The following ACSS3 variants were observed in gnomAD, a reference collection of about 807,000 sequenced individuals.
ACSS3 encodes acyl-CoA synthetase short chain family member 3.
Under a neutral mutation model 84.2 loss-of-function variants are expected in ACSS3, and 64 were observed. That is an observed-to-expected ratio of 0.76 (90% CI 0.62 to 0.94). The LOEUF (loss-of-function observed/expected upper bound fraction) is 0.94. Among genes scored for constraint, ACSS3 ranks in the 40% least tolerant of loss-of-function variants. The pLI, the probability that ACSS3 is intolerant of heterozygous loss-of-function variation, is 0.00. For missense variants in ACSS3, 815 were observed against 867.6 expected, an observed-to-expected ratio of 0.94 and a Z score of 0.76; for synonymous variants, 317 against 310.1, an observed-to-expected ratio of 1.02 and a Z score of -0.23.
chr12:81,194,741 T>A (rs1406703335), intron 8 of ACSS3, among the ~76,000 whole-genome samples: 1 of 151,984 alleles, frequency 6.6e-6, no homozygotes, highest in Non-Finnish European at 1.5e-5. Context: ...TACTAAGTTT[T>A]AAAATATATA....
At chr12:81,130,834 C>T (rs1198130360) in intron 2 of ACSS3, among the ~76,000 whole-genome samples, 2 of 152,182 alleles carry the variant, frequency 1.3e-5, no homozygotes, top group Non-Finnish European at 2.9e-5. Flanking sequence ...GCAGTTTCAG[C>T]TTTCTACATA....
chr12:81,124,148 CCT>C (rs762112732), intron 2 of ACSS3, among the ~76,000 whole-genome samples: 3 of 152,042 alleles, frequency 2.0e-5, no homozygotes, highest in South Asian at 2.1e-4. Flanking sequence ...CTTGCCAGCC[CCT>C]GTTGTTTTTT....
intron 1 of ACSS3, among the ~76,000 whole-genome samples, chr12:81,088,033 A>G (rs7316760): frequency 0.065 from 9,850 of 152,182 alleles, 791 homozygotes; most frequent in African/African-American, 0.19. Context: ...TCTTCTGCTA[A>G]TATGTAGGAA....
chr12:81,103,629 C>A (rs1882713483), intron 1 of ACSS3, among the ~76,000 whole-genome samples: 1 of 152,028 alleles, frequency 6.6e-6, no homozygotes, highest in African/African-American at 2.4e-5. Context: ...TTCTGTGTAA[C>A]ATTGCCTACA....
intron 11 of ACSS3, among the ~76,000 whole-genome samples, chr12:81,223,677 T>G (rs1198650913): frequency 6.6e-6 from 1 of 151,954 alleles, no homozygotes; most frequent in Non-Finnish European, 1.5e-5. Context: ...GGGAAAGAAA[T>G]TATGGTCAAT....
At chr12:81,116,077 T>C (rs1884018738) in intron 2 of ACSS3, among the ~76,000 whole-genome samples, 1 of 152,066 alleles carries the variant, frequency 6.6e-6, no homozygotes, top group Non-Finnish European at 1.5e-5. Context: ...ATAATGCAAG[T>C]ATAATGTATA....
intron 11 of ACSS3, among the ~76,000 whole-genome samples, chr12:81,224,935 G>C (rs549804324): frequency 6.6e-6 from 1 of 151,768 alleles, no homozygotes; most frequent in Non-Finnish European, 1.5e-5. Context: ...TGGCCCTAAA[G>C]CACAATAGTA....
rs2034567007 is a variant in ACSS3 at position 81,259,127 on chromosome 12, G to T, written c.*4205G>T. ...TTCAGCTTTAAGTATTGACAGACTT[G>T]AAGGAGAAACACGTTGAAGCATGAA... On this transcript the variant is annotated 3_prime_UTR_variant, in exon 16 of 16. Transcript: ENST00000548058. 2.6e-5 allele frequency: 5 copies of T among 189,944 alleles called. No individual in the cohort carries two copies. In the South Asian group the frequency reaches 4.4e-4, roughly 17 times the overall value. 11.8% of individuals were successfully genotyped at this position (189,944 alleles called of 1,614,324 possible). A position where few individuals can be genotyped will look rare whatever the true frequency, so the allele number is the denominator to read the frequency against.
intron 7 of ACSS3, among the ~76,000 whole-genome samples, chr12:81,164,920 C>G (rs1887328738): frequency 6.6e-6 from 1 of 152,060 alleles, no homozygotes; most frequent in Non-Finnish European, 1.5e-5. Context: ...TTCAACTGGA[C>G]ACATCATAGT....
rs2033667810 is a variant in ACSS3 at position 81,237,536 on chromosome 12, CTA to C, written c.1719+4067_1719+4068del. Among the ~76,000 whole-genome samples, 3 of 151,472 alleles carry C rather than the reference CTA, an allele frequency of 2.0e-5. No homozygotes were observed. The South Asian group carries it at 6.2e-4, about 31-fold the overall frequency. ...ATGTTTAGATTTTCCTGATAAATGT[CTA>C]TTTTAAATCTTATCCCGAGTATTTT... On this transcript the variant is annotated intron_variant, in intron 13 of 15. Transcript: ENST00000548058.
intron 10 of ACSS3, 70 bp downstream of exon 10, chr12:81,217,066 G>T: frequency 7.8e-7 from 1 of 1,283,868 alleles, no homozygotes; most frequent in Non-Finnish European, 1.1e-6. Context: ...TGTGTATTAT[G>T]TTGCATGAAA....
intron 7 of ACSS3, 57 bp from the exon 8 acceptor site, chr12:81,174,731 T>G: frequency 6.5e-7 from 1 of 1,545,048 alleles, no homozygotes; most frequent in East Asian, 2.3e-5. Flanking sequence ...ACTATTGAAC[T>G]GTCAGTGAAA....
Position 81,174,892 on chromosome 12 carries a change from T to C in ACSS3, c.1203T>C (p.Arg401=), listed in dbSNP as rs141866758. 6.2e-7 allele frequency: 1 copy of C among 1,613,842 alleles called. No homozygotes were observed. The highest frequency in any genetic ancestry group is 8.5e-7 in the Non-Finnish European group (1 of 1,179,942). The change falls in exon 8 of 16, where the codon CGT becomes CGC. Residue 401 remains arginine (R), a synonymous_variant. Transcript: ENST00000548058. ...CACCAACTGCAATTAGAGCAATCCG[T>C]CAACAGGACCCTGGGGCAGCTTTGG... ...FTAPTAIRAI[R]QQDPGAALGK... is the part of the protein sequence containing the mutation.
At chr12:81,139,635 A>AATT (rs201396521) in intron 4 of ACSS3, among the ~76,000 whole-genome samples, 16,658 of 145,646 alleles carry the variant, frequency 0.11, 981 homozygotes, top group East Asian at 0.19. Context: ...TAATAATAAT[A>AATT]ATTATTGTTA....
chr12:81,258,548 C>T lies in ACSS3; in HGVS notation c.*3626C>T, dbSNP rs1678232408. 6.6e-6 allele frequency: 1 copy of T among 152,114 alleles called. No homozygotes were observed. The highest frequency in any genetic ancestry group is 1.5e-5 in the Non-Finnish European group (1 of 68,018). 9.4% of individuals were successfully genotyped at this position (152,114 alleles called of 1,614,324 possible). On this transcript the variant is annotated 3_prime_UTR_variant, in exon 16 of 16. Transcript: ENST00000548058. ...ACAGTAACACCACCAAATAAAGCCA[C>T]AGGGAAGAGATTACTCTTCTATACT...
rs753607600 is a variant in ACSS3, at chr12:81,152,041, A to C, written c.1043A>C (p.His348Pro). 5.0e-6 allele frequency: 8 copies of C among 1,613,542 alleles called. No homozygotes were observed. In the East Asian group the frequency reaches 1.8e-4, roughly 36 times the overall value. Reference protein sequence around the residue: ...AASDLGWVVGHSYICYGPLLH... With the variant: ...AASDLGWVVGPSYICYGPLLH... ...TCTGACTTAGGCTGGGTTGTTGGAC[A>C]TTCCTATATCTGCTATGGACCTCTT... is the stretch of plus-strand genomic sequence containing the variant. Residue 348 changes from histidine to proline, a missense_variant, in exon 7 of 16, where the codon CAT becomes CCT. Coordinates refer to ENST00000548058, the MANE Select transcript of ACSS3 (RefSeq NM_024560.4).
chr12:81,178,321 G>A (rs1389183584), intron 8 of ACSS3, among the ~76,000 whole-genome samples: 1 of 145,142 alleles, frequency 6.9e-6, no homozygotes, highest in Non-Finnish European at 1.5e-5. Context: ...TTGTGGGATG[G>A]GGGGAGGGGG....
intron 2 of ACSS3, among the ~76,000 whole-genome samples, chr12:81,111,520 T>C (rs570660408): frequency 4.6e-5 from 7 of 152,174 alleles, no homozygotes; most frequent in Non-Finnish European, 1.0e-4. Context: ...ACAGTCTCCA[T>C]CTGGCAACTT....
intron 1 of ACSS3, among the ~76,000 whole-genome samples, chr12:81,091,198 T>A (rs142447106): frequency 1.3e-5 from 2 of 152,104 alleles, no homozygotes; most frequent in East Asian, 3.9e-4. Context: ...CATATGAGAT[T>A]CCAAGGATCT....
Sources: allele counts gnomAD v4.1 joint callset (sites outside exome capture counted in the v4.1 genomes callset), GRCh38; gene constraint gnomAD v4.1.1; transcripts MANE v1.5; gene names NCBI Gene and HGNC (gene_info 2026-07-23, HGNC 2026-07-21).